RALY: variants seen among roughly 807,000 people sequenced by gnomAD.
RALY encodes the protein RNA-binding protein Raly.
In RALY, 15 loss-of-function variants were observed where a neutral mutation model predicts 30.7. The observed-to-expected ratio is 0.49, with a 90% CI of 0.33 to 0.75. The LOEUF (loss-of-function observed/expected upper bound fraction) is 0.75. RALY is among the 30% of genes least tolerant of loss of function. RALY has a pLI of 0.02. For missense variants in RALY, 339 were observed against 414.3 expected (o/e 0.82, Z 1.58); for synonymous variants, 177 against 170.8 (o/e 1.04, Z -0.28).
intron 1 of RALY, among the ~76,000 whole-genome samples, chr20:34,028,768 GATT>G (rs1228999709): frequency 2.7e-5 from 4 of 149,270 alleles, no homozygotes; most frequent in Admixed American, 2.7e-4. Context: ...AAGGGTTCAG[GATT>G]ACGTCATAGA....
At chr20:34,063,591 A>T (rs867500167) in intron 2 of RALY, among the ~76,000 whole-genome samples, 7 of 152,202 alleles carry the variant, frequency 4.6e-5, no homozygotes, top group Admixed American at 6.5e-5. Flanking sequence ...TACATATTAA[A>T]TTGTATGTTC....
At chr20:34,070,837 A>G (rs903628963) in intron 2 of RALY, among the ~76,000 whole-genome samples, 1 of 152,202 alleles carries the variant, frequency 6.6e-6, no homozygotes, top group Non-Finnish European at 1.5e-5. Context: ...TTGCACTGTT[A>G]TAAAGAAATA....
chr20:34,059,619 G>A (rs1470315944), intron 2 of RALY, among the ~76,000 whole-genome samples: 2 of 152,152 alleles, frequency 1.3e-5, no homozygotes, highest in East Asian at 3.8e-4. Context: ...AGGCCCCAGC[G>A]CTCTACAGGC....
intron 2 of RALY, among the ~76,000 whole-genome samples, chr20:34,038,692 A>G (rs75410728): frequency 0.015 from 2,234 of 152,310 alleles, 26 homozygotes; most frequent in Middle Eastern, 0.071. Context: ...CTTTCCCACC[A>G]TTGTGTGTAT....
chr20:34,056,646 T>C (rs1258959176), intron 2 of RALY, among the ~76,000 whole-genome samples: 2 of 152,216 alleles, frequency 1.3e-5, no homozygotes, highest in African/African-American at 2.4e-5. Context: ...CAAAACTTTG[T>C]AGACTCAAAA....
chr20:34,033,088 G>C (rs1185354350), intron 2 of RALY: 1 of 152,220 alleles, frequency 6.6e-6, no homozygotes, highest in East Asian at 1.9e-4. Flanking sequence ...CCAGTACAGG[G>C]TAAGGACCTG....
At chr20:34,019,655 A>G (rs1474166848) in intron 1 of RALY, among the ~76,000 whole-genome samples, 2 of 152,218 alleles carry the variant, frequency 1.3e-5, no homozygotes, top group South Asian at 2.1e-4. Context: ...TGAGTAAGAC[A>G]CAGTCCCTGC....
intron 1 of RALY, among the ~76,000 whole-genome samples, chr20:34,026,916 G>T (rs1023368971): frequency 3.3e-5 from 5 of 152,208 alleles, no homozygotes; most frequent in African/African-American, 1.2e-4. Flanking sequence ...CTCAGAATAA[G>T]AGTTGCCGGG....
intron 2 of RALY, among the ~76,000 whole-genome samples, chr20:34,061,013 G>T (rs905314970): frequency 6.6e-6 from 1 of 152,190 alleles, no homozygotes; most frequent in Non-Finnish European, 1.5e-5. Flanking sequence ...TCCCTAGATG[G>T]AGAGAGAAGA....
At chr20:34,060,332 A>T (rs1274003371) in intron 2 of RALY, among the ~76,000 whole-genome samples, 4 of 152,244 alleles carry the variant, frequency 2.6e-5, no homozygotes, top group Admixed American at 1.3e-4. Flanking sequence ...TCACATTCAA[A>T]GGAAACGCTC....
At chr20:34,075,396 C>T (rs1010824095) in intron 5 of RALY, among the ~76,000 whole-genome samples, 1 of 151,992 alleles carries the variant, frequency 6.6e-6, no homozygotes, top group Admixed American at 6.6e-5. Context: ...GATAGCCATC[C>T]TCATTTGGCA....
At chr20:34,065,116 C>G (rs1601496087) in intron 2 of RALY, 1 of 152,192 alleles carries the variant, frequency 6.6e-6, no homozygotes, top group South Asian at 2.1e-4. Flanking sequence ...CCCAGCATCT[C>G]CACAGTGCCA....
At chr20:34,007,225 C>G (rs572672721) in intron 1 of RALY, among the ~76,000 whole-genome samples, 6 of 152,242 alleles carry the variant, frequency 3.9e-5, no homozygotes, top group African/African-American at 1.4e-4. Flanking sequence ...TGAGCTTAGG[C>G]AAATCATTTT....
intron 1 of RALY, among the ~76,000 whole-genome samples, chr20:33,994,739 C>G (rs2030518695): frequency 6.6e-6 from 1 of 152,098 alleles, no homozygotes; most frequent in African/African-American, 2.4e-5. Flanking sequence ...GTTTGCCTCT[C>G]GGTGACATGG....
chr20:34,063,938 T>C (rs1034901503), intron 2 of RALY, among the ~76,000 whole-genome samples: 3 of 151,960 alleles, frequency 2.0e-5, no homozygotes, highest in Non-Finnish European at 4.4e-5. Context: ...CTTGTGGCCA[T>C]GGTAGATGTC....
chr20:34,045,697 C>G (rs2032856937), intron 2 of RALY, among the ~76,000 whole-genome samples: 1 of 152,210 alleles, frequency 6.6e-6, no homozygotes. Context: ...TCTTCTCCCT[C>G]ATGTAGCTCT....
chr20:34,066,169 C>CTTTT lies in RALY; in HGVS notation c.-9-5881_-9-5878dup, dbSNP rs200689368. ...TAAGTCACTTATCTTTGCTGATCCT[C>CTTTT]TTTTTTTTTTTTTTTTTTTCATTTA... On this transcript the variant is annotated intron_variant, in intron 2 of 9. Transcript: ENST00000246194. 1.9e-3 allele frequency among the ~76,000 whole-genome samples: 236 copies of CTTTT among 126,512 alleles called. 6 individuals carry two copies. The highest frequency in any genetic ancestry group is 6.8e-3 in the African/African-American group (221 of 32,500). The allele number at this position is 126,512 out of a possible 152,430, so 83.0% of individuals were successfully genotyped here.
intron 1 of RALY, among the ~76,000 whole-genome samples, chr20:34,004,782 A>G (rs1177539893): frequency 6.6e-6 from 1 of 152,198 alleles, no homozygotes; most frequent in Non-Finnish European, 1.5e-5. Context: ...ATGGTTGGGG[A>G]GGGAATACTA....
chr20:34,078,430 T>C, intron 8 of RALY, 75 bp from the exon 9 acceptor site: 1 of 1,382,336 alleles, frequency 7.2e-7, no homozygotes. Context: ...GAAGTTTTTC[T>C]GGACAAATGG....
Sources: gnomAD v4.1 joint callset for allele counts (sites outside exome capture counted in the v4.1 genomes callset) on GRCh38, gnomAD v4.1.1 for gene constraint, MANE v1.5 for transcripts, NCBI Gene and HGNC (gene_info 2026-07-23, HGNC 2026-07-21) for gene names.